The following OS9 variants were observed in gnomAD, a reference collection of about 807,000 sequenced individuals.
OS9 encodes the protein protein OS-9.
Under a neutral mutation model 84.7 loss-of-function variants are expected in OS9, and 58 were observed. The ratio of observed to expected loss-of-function variants is 0.68; its 90% CI spans 0.55 to 0.85. The LOEUF (loss-of-function observed/expected upper bound fraction) is 0.85, where lower values mean the gene tolerates loss of function less well. OS9 is among the 40% of genes least tolerant of loss of function. The pLI is 0.00. For missense variants in OS9, 760 were observed against 850.9 expected (o/e 0.89, Z 1.33); for synonymous variants, 278 against 320.8 (o/e 0.87, Z 1.43).
Position 57,719,102 on chromosome 12 carries a change from AAC to A in OS9, c.1522_1523del (p.Gln508GlufsTer30), listed in dbSNP as rs778017055. The A allele has an allele frequency of 6.2e-7, 1 of 1,614,122 alleles. No individual in the cohort carries two copies. Among genetic ancestry groups the A allele is most frequent in the South Asian group, 1.1e-5 (1 of 91,078 alleles). On this transcript the variant is annotated frameshift_variant, in exon 12 of 15. Coordinates refer to ENST00000315970, the MANE Select transcript of OS9 (RefSeq NM_006812.4). LOFTEE classifies it high-confidence loss of function. Reference sequence around the variant, plus strand: ...AAACTCATCAAAAGACTGGAGGAAAAACAGAGTCCAGAGCTGGTGAAGAAGCA... The same window carrying A: ...AAACTCATCAAAAGACTGGAGGAAAAAGAGTCCAGAGCTGGTGAAGAAGCA...
chr12:57,709,964 T>C (rs899307563), intron 5 of OS9, among the ~76,000 whole-genome samples: 6 of 152,216 alleles, frequency 3.9e-5, no homozygotes, highest in African/African-American at 1.4e-4. Context: ...GAGATTCTCG[T>C]GCGTCAGCCT....
chr12:57,701,262 A>ATTTTT (rs556973162), intron 5 of OS9, among the ~76,000 whole-genome samples: 2 of 71,470 alleles, frequency 2.8e-5, no homozygotes, highest in Non-Finnish European at 2.5e-5. Context: ...TGGTTGAGTG[A>ATTTTT]TTTTTTTTTT....
At chr12:57,699,166 G>A (rs1044702912) in intron 5 of OS9, among the ~76,000 whole-genome samples, 4 of 152,200 alleles carry the variant, frequency 2.6e-5, no homozygotes, top group Non-Finnish European at 4.4e-5. Flanking sequence ...AATGAGAAGA[G>A]GAGTAGGTAT....
chr12:57,694,446 C>A, intron 1 of OS9, 123 bp downstream of exon 1: 2 of 1,076,810 alleles, frequency 1.9e-6, no homozygotes, highest in Non-Finnish European at 2.7e-6. Context: ...GTAGGTATTG[C>A]TTTTACGGTG....
chr12:57,714,385 A>T (rs941494034), intron 5 of OS9, among the ~76,000 whole-genome samples: 1 of 152,046 alleles, frequency 6.6e-6, no homozygotes, highest in African/African-American at 2.4e-5. Flanking sequence ...TTGTATTTTT[A>T]GTAGAGATGG....
At chr12:57,706,846 GAAAAA>G (rs11423380) in intron 5 of OS9, among the ~76,000 whole-genome samples, 1 of 41,732 alleles carries the variant, frequency 2.4e-5, no homozygotes, top group African/African-American at 9.4e-5. Context: ...ATGACTCTCT[GAAAAA>G]AAAAAAAAAA....
At chr12:57,696,443 T>G in intron 5 of OS9, 70 bp downstream of exon 5, 7 of 250,606 alleles carry the variant, frequency 2.8e-5, no homozygotes, top group East Asian at 1.1e-4. Flanking sequence ...GAGGGTTGCA[T>G]CTTATAGTCG....
Position 57,694,243 on chromosome 12 carries a change from G to A in OS9, c.82G>A (p.Val28Ile). The A allele has an allele frequency of 6.2e-7, 1 of 1,614,210 alleles. No individual in the cohort carries two copies. Among genetic ancestry groups the A allele is most frequent in the Non-Finnish European group, 8.5e-7 (1 of 1,180,030 alleles). ...GTTACCCGCAAGTCTGACCGGCGGTGTCGGGAGCCTGAACCTGGAGGAGCT... is the reference window on the plus strand; with the variant it reads ...GTTACCCGCAAGTCTGACCGGCGGTATCGGGAGCCTGAACCTGGAGGAGCT... Reference protein sequence around the residue: ...LLLPASLTGGVGSLNLEELSE... With the variant: ...LLLPASLTGGIGSLNLEELSE... Residue 28 changes from valine to isoleucine, a missense_variant, in exon 1 of 15, where the codon GTC (valine) becomes ATC (isoleucine). Physicochemically the swap from Val to Ile is conservative, Grantham distance 29. Coordinates refer to ENST00000315970, the MANE Select transcript of OS9 (RefSeq NM_006812.4).
At chr12:57,711,149 C>T (rs1450139595) in intron 5 of OS9, among the ~76,000 whole-genome samples, 2 of 151,716 alleles carry the variant, frequency 1.3e-5, no homozygotes, top group Non-Finnish European at 2.9e-5. Context: ...CACAGGTTAA[C>T]CCTGGTCTTA....
rs1954596444 is a variant in OS9 at position 57,719,022 on chromosome 12, G to A, written c.1440G>A (p.Leu480=). 6.2e-7 allele frequency: 1 copy of A among 1,613,270 alleles called. No homozygotes were observed. The highest frequency in any genetic ancestry group is 1.3e-5 in the African/African-American group (1 of 75,022). The change falls in exon 12 of 15, where the codon CTG becomes CTA. Residue 480 remains leucine, a synonymous_variant. Transcript: ENST00000315970. ...ETEKELDPDG[L]KKESERDRAM... is the part of the protein sequence containing the mutation. ...AGAAAGAGCTGGACCCAGATGGGCT[G>A]AAGAAGGAGTCAGAGCGGGATCGGG...
chr12:57,711,680 T>C (rs928359117), intron 5 of OS9, among the ~76,000 whole-genome samples: 2 of 152,246 alleles, frequency 1.3e-5, no homozygotes, highest in Non-Finnish European at 2.9e-5. Flanking sequence ...AATTCCATTG[T>C]GTGTTCCATC....
At chr12:57,713,507 C>G (rs1357228677) in intron 5 of OS9, among the ~76,000 whole-genome samples, 1 of 151,984 alleles carries the variant, frequency 6.6e-6, no homozygotes, top group African/African-American at 2.4e-5. Context: ...ACTTTTGTCC[C>G]ACTGCACTTG....
Position 57,719,135 on chromosome 12 carries a change from A to G in OS9, c.1553A>G (p.Lys518Arg), listed in dbSNP as rs1475872978. 6.2e-7 allele frequency: 1 copy of G among 1,614,034 alleles called. No individual in the cohort carries two copies. The highest frequency in any genetic ancestry group is 2.2e-5 in the East Asian group (1 of 44,884). The change falls in exon 12 of 15, where the codon AAA becomes AGA. Residue 518 changes from lysine to arginine, a missense_variant. Coordinates refer to ENST00000315970, the MANE Select transcript of OS9 (RefSeq NM_006812.4). ...CCAGAGCTGGTGAAGAAGCACAAGA[A>G]AAAGAGGGTTGTCCCCAAAAAGCCT... ...QSPELVKKHK[K>R]KRVVPKKPPP...
intron 5 of OS9, among the ~76,000 whole-genome samples, chr12:57,709,113 C>A (rs1314366186): frequency 6.6e-6 from 1 of 152,184 alleles, no homozygotes; most frequent in Non-Finnish European, 1.5e-5. Context: ...TTACTCTTTT[C>A]TTTCAGCTGT....
chr12:57,715,753 C>T lies in OS9; in HGVS notation c.580-7C>T. 6.3e-7 allele frequency: 1 copy of T among 1,591,212 alleles called. No individual in the cohort carries two copies. The highest frequency in any genetic ancestry group is 2.2e-5 in the East Asian group (1 of 44,630). On this transcript the variant is annotated splice_region_variant and splice_polypyrimidine_tract_variant and intron_variant, in intron 5 of 14. Coordinates refer to ENST00000315970, the MANE Select transcript of OS9 (RefSeq NM_006812.4). ...ATTAAGTGTATTCATCCTTTCTGTC[C>T]TGGCAGTTCCTCTGTGACGAGGGTG... is the stretch of plus-strand genomic sequence containing the variant.
intron 5 of OS9, among the ~76,000 whole-genome samples, chr12:57,715,015 A>G (rs987461017): frequency 6.6e-6 from 1 of 152,160 alleles, no homozygotes; most frequent in African/African-American, 2.4e-5. Context: ...GAAGTTTTTT[A>G]CCATATGCAC....
Position 57,711,666 on chromosome 12 carries a change from A to T in OS9, c.580-4094A>T, listed in dbSNP as rs557061215. On this transcript the variant is annotated intron_variant, in intron 5 of 14. Transcript: ENST00000315970. ...GGCCCTTTTTTGTTTTTATAGCTGC[A>T]TAAAATTCCATTGTGTGTTCCATCA... 4.6e-5 allele frequency among the ~76,000 whole-genome samples: 7 copies of T among 152,306 alleles called. No homozygotes were observed. In the South Asian group the frequency reaches 1.4e-3, roughly 32 times the overall value.
rs1954626093 is a variant in OS9 at position 57,720,021 on chromosome 12, G to C, written c.1601-78G>C. 3.0e-6 allele frequency: 4 copies of C among 1,342,620 alleles called. No individual in the cohort carries two copies. In the Admixed American group the frequency reaches 8.4e-5, roughly 28 times the overall value. The allele number at this position is 1,342,620 out of a possible 1,614,324, so 83.2% of individuals were successfully genotyped here. A position where few individuals can be genotyped will look rare whatever the true frequency, so the allele number is the denominator to read the frequency against. ...GCTGCCAAAGCCAACTGATGTTTTA[G>C]GGGGAGATGACCCCCACACCCCTAA... On this transcript the variant is annotated intron_variant, in intron 12 of 14. Transcript: ENST00000315970.
At chr12:57,695,622 C>T (rs781009203) in intron 2 of OS9, 158 bp from the exon 3 acceptor site, 1 of 719,178 alleles carries the variant, frequency 1.4e-6, no homozygotes, top group Non-Finnish European at 2.6e-6. Flanking sequence ...AGCCCTCCCT[C>T]CTTACTGAAA....
Sources: allele counts gnomAD v4.1 joint callset (sites outside exome capture counted in the v4.1 genomes callset), GRCh38; gene constraint gnomAD v4.1.1; transcripts MANE v1.5; gene names NCBI Gene and HGNC (gene_info 2026-07-23, HGNC 2026-07-21).